The following DACH1 variants were observed in gnomAD, a reference collection of about 807,000 sequenced individuals.
DACH1 encodes the protein dachshund family transcription factor 1.
DACH1 carries 12 observed loss-of-function variants against 54.2 expected under a neutral mutation model. The observed-to-expected ratio is 0.22, with a 90% CI of 0.14 to 0.36. DACH1 has a LOEUF of 0.36. Among genes scored for constraint, DACH1 ranks in the 10% least tolerant of loss-of-function variants. DACH1 has a pLI of 1.00. For missense variants in DACH1, 805 were observed against 929.8 expected (o/e 0.87, Z 1.75); for synonymous variants, 386 against 366.2 (o/e 1.05, Z -0.62).
In DACH1 at chr13:71,796,219, T is replaced by C. The variant is rs544999720; in HGVS notation, c.848+69703A>G. On this transcript the variant is annotated intron_variant, in intron 1 of 10. Transcript: ENST00000613252. ...AAAAAGAAGTTAGAATAATAGTGCT[T>C]GTTCTTTTTGTACCAGAATATCATT... Among the ~76,000 whole-genome samples the C allele has an allele frequency of 1.2e-4, 18 of 152,290 alleles. 2 individuals carry two copies. The South Asian group carries it at 3.5e-3, about 30-fold the overall frequency.
At chr13:71,853,118 T>A (rs1873776380) in intron 1 of DACH1, among the ~76,000 whole-genome samples, 1 of 152,168 alleles carries the variant, frequency 6.6e-6, no homozygotes, top group African/African-American at 2.4e-5. Context: ...ATATGAAAAA[T>A]TAATTAATTT....
chr13:71,501,905 A>G (rs1444727691), intron 6 of DACH1, among the ~76,000 whole-genome samples: 1 of 152,080 alleles, frequency 6.6e-6, no homozygotes, highest in African/African-American at 2.4e-5. Flanking sequence ...CTTATTTTAC[A>G]CATTAATATG....
chr13:71,582,775 G>C (rs187451059), intron 3 of DACH1, among the ~76,000 whole-genome samples: 45 of 152,094 alleles, frequency 3.0e-4, no homozygotes, highest in African/African-American at 1.1e-3. Flanking sequence ...CATTCTATTC[G>C]AAGCACTTTT....
At chr13:71,597,197 T>G (rs1874157884) in intron 3 of DACH1, among the ~76,000 whole-genome samples, 1 of 152,264 alleles carries the variant, frequency 6.6e-6, no homozygotes, top group African/African-American at 2.4e-5. Context: ...TGAGGTCAAA[T>G]TGTCTATTAT....
rs7981290 is a variant in DACH1 at position 71,617,880 on chromosome 13, T to A, written c.1126+12676A>T. Among the ~76,000 whole-genome samples the A allele has an allele frequency of 6.1e-4, 93 of 152,074 alleles. 1 individual carries two copies. Among genetic ancestry groups the A allele is most frequent in the African/African-American group, 1.7e-3 (71 of 41,520 alleles). On this transcript the variant is annotated intron_variant, in intron 3 of 10. Coordinates refer to ENST00000613252, the MANE Select transcript of DACH1 (RefSeq NM_080759.6). The stretch of plus-strand genomic sequence containing the variant: ...AACAACTAGTCAACAGAATCATTTT[T>A]AAAAAAAATACTTAGCAGTAGCCTT...
intron 6 of DACH1, among the ~76,000 whole-genome samples, chr13:71,526,780 T>C (rs1411902965): frequency 6.6e-6 from 1 of 151,406 alleles, no homozygotes; most frequent in Non-Finnish European, 1.5e-5. Context: ...CAATAAACTT[T>C]ACTGTTATGT....
rs1167098982 is a variant in DACH1, at chr13:71,675,062, C to T, written c.964+6733G>A. ...GGGGGTAAGTAAGGAGGTCTCTGTA[C>T]CACGGCTCGTACAAAGCAGACTGCC... On this transcript the variant is annotated intron_variant, in intron 2 of 10. Coordinates refer to ENST00000613252, the MANE Select transcript of DACH1 (RefSeq NM_080759.6). 2.8e-6 allele frequency: 4 copies of T among 1,428,300 alleles called. No homozygotes were observed. The Admixed American group carries it at 5.0e-5, about 18-fold the overall frequency. 88.5% of individuals were successfully genotyped at this position (1,428,300 alleles called of 1,614,324 possible). A position where few individuals can be genotyped will look rare whatever the true frequency, so the allele number is the denominator to read the frequency against.
chr13:71,513,164 ATGTGCTGAAATCCTTTAAAAG>A (rs1228318618), intron 6 of DACH1, among the ~76,000 whole-genome samples: 3 of 151,960 alleles, frequency 2.0e-5, no homozygotes, highest in Non-Finnish European at 4.4e-5. Context: ...CATTCCATTA[ATGTGCTGAAATCCTTTAAAAG>A]TATGCTCTCT....
chr13:71,556,621 G>A (rs548396456), intron 6 of DACH1, among the ~76,000 whole-genome samples: 1 of 152,110 alleles, frequency 6.6e-6, no homozygotes, highest in African/African-American at 2.4e-5. Flanking sequence ...TTCCTTATTG[G>A]TCTGTAAACT....
chr13:71,487,073 A>T (rs1351079773), intron 7 of DACH1, among the ~76,000 whole-genome samples: 1 of 151,394 alleles, frequency 6.6e-6, no homozygotes, highest in East Asian at 1.9e-4. Flanking sequence ...CTGGTCTCGA[A>T]CTCCCGATCT....
In DACH1 at chr13:71,846,643, A is replaced by G. The variant is rs113858412; in HGVS notation, c.848+19279T>C. 9.8e-3 allele frequency among the ~76,000 whole-genome samples: 1,493 copies of G among 152,256 alleles called. 19 individuals are homozygous for G. The highest frequency in any genetic ancestry group is 0.034 in the African/African-American group (1,407 of 41,548). On this transcript the variant is annotated intron_variant, in intron 1 of 10. Coordinates refer to ENST00000613252, the MANE Select transcript of DACH1 (RefSeq NM_080759.6). ...GACTCTTCCATAGGTAGGTAGGTAGATAGATAGATAGTCTTTGGTTAAGTA... is the reference window on the plus strand; with the variant it reads ...GACTCTTCCATAGGTAGGTAGGTAGGTAGATAGATAGTCTTTGGTTAAGTA...
chr13:71,444,521 A>G (rs570606952), intron 10 of DACH1, among the ~76,000 whole-genome samples: 4 of 152,280 alleles, frequency 2.6e-5, no homozygotes, highest in African/African-American at 7.2e-5. Context: ...TAAACTTTAT[A>G]AAAAGTAATA....
intron 1 of DACH1, among the ~76,000 whole-genome samples, chr13:71,751,881 A>G (rs528849611): frequency 1.3e-5 from 2 of 152,268 alleles, no homozygotes; most frequent in Admixed American, 6.5e-5. Context: ...AATATTTGTT[A>G]CTGCTTTGCT....
chr13:71,525,969 G>T (rs1593836660), intron 6 of DACH1, among the ~76,000 whole-genome samples: 2 of 152,242 alleles, frequency 1.3e-5, no homozygotes, highest in East Asian at 3.9e-4. Flanking sequence ...TAAATGCTAA[G>T]AACTTAGAAG....
chr13:71,792,453 C>T (rs894348933), intron 1 of DACH1, among the ~76,000 whole-genome samples: 14 of 152,146 alleles, frequency 9.2e-5, no homozygotes, highest in Admixed American at 3.3e-4. Flanking sequence ...TGGTGGCTAA[C>T]GGTTCCTATT....
intron 1 of DACH1, among the ~76,000 whole-genome samples, chr13:71,820,191 GA>G (rs1408187180): frequency 6.6e-6 from 1 of 150,492 alleles, no homozygotes; most frequent in Admixed American, 6.6e-5. Flanking sequence ...GGAAGAAAGA[GA>G]AATACCAGAC....
At chr13:71,756,780 T>C (rs765786616) in intron 1 of DACH1, among the ~76,000 whole-genome samples, 3 of 152,136 alleles carry the variant, frequency 2.0e-5, no homozygotes, top group Admixed American at 2.0e-4. Flanking sequence ...TGAAATCCAC[T>C]CAATTTTCTA....
intron 1 of DACH1, among the ~76,000 whole-genome samples, chr13:71,717,543 C>CACACAT (rs1347984583): frequency 2.1e-5 from 3 of 144,960 alleles, no homozygotes; most frequent in African/African-American, 7.5e-5. Context: ...CACACACACA[C>CACACAT]ATTAATTCTA....
At chr13:71,620,674 T>C (rs1384369185) in intron 3 of DACH1, among the ~76,000 whole-genome samples, 4 of 152,014 alleles carry the variant, frequency 2.6e-5, no homozygotes, top group Non-Finnish European at 5.9e-5. Context: ...CAGTGTGATG[T>C]TTTGAACTTC....
Sources: allele counts gnomAD v4.1 joint callset (sites outside exome capture counted in the v4.1 genomes callset), GRCh38; gene constraint gnomAD v4.1.1; transcripts MANE v1.5; gene names NCBI Gene and HGNC (gene_info 2026-07-23, HGNC 2026-07-21).